Variants in CD1B observed in about 807,000 individuals in gnomAD.
The protein encoded by CD1B is T-cell surface glycoprotein CD1b.
In CD1B, 43 loss-of-function variants were observed where a neutral mutation model predicts 39.8. The observed-to-expected ratio is 1.08, with a 90% CI of 0.85 to 1.39. CD1B has a LOEUF of 1.39. Ranked by LOEUF, CD1B falls within the 40% of genes most tolerant of loss-of-function variation. CD1B has a pLI of 0.00. For synonymous variants in CD1B, 192 were observed against 152.5 expected (o/e 1.26, Z -1.91); for missense variants, 495 against 403.8 (o/e 1.23, Z -1.94).
chr1:158,313,295 G>A, the CD1B span, among the ~76,000 whole-genome samples: 7 of 151,868 alleles, frequency 4.6e-5, no homozygotes, highest in Non-Finnish European at 7.4e-5. Flanking sequence ...AGGGATATTG[G>A]CCTGTAGTTT....
chr1:158,329,019 C>A lies in CD1B; in HGVS notation c.887-5G>T. 1 of 1,608,828 alleles carries A rather than the reference C, an allele frequency of 6.2e-7. No homozygotes were observed. Among genetic ancestry groups the A allele is most frequent in the South Asian group, 1.1e-5 (1 of 90,504 alleles). On this transcript the variant is annotated splice_polypyrimidine_tract_variant and splice_region_variant and intron_variant, in intron 4 of 5. Transcript: ENST00000368168. The stretch of plus-strand genomic sequence containing the variant: ...AGCCAATGGAGGTGGGGTTTCCTGG[C>A]AATTGAGAGAGGACAAAAGGATGTC...
chr1:158,304,607 C>A, the CD1B span, among the ~76,000 whole-genome samples: 3 of 152,286 alleles, frequency 2.0e-5, no homozygotes, highest in South Asian at 6.2e-4. Context: ...TCCCAGCATG[C>A]AGCTGGAGAT....
At chr1:158,313,854 G>C in the CD1B span, among the ~76,000 whole-genome samples, 4 of 152,044 alleles carry the variant, frequency 2.6e-5, no homozygotes, top group Middle Eastern at 6.8e-3. Context: ...CTCATTATTG[G>C]CCTGTTTGAA....
At chr1:158,324,063 G>A (rs1045525259), downstream of CD1B, among the ~76,000 whole-genome samples, 1 of 152,216 alleles carries the variant, frequency 6.6e-6, no homozygotes, top group Non-Finnish European at 1.5e-5. Flanking sequence ...CCAAATTACA[G>A]GGTAAGTTTC....
the CD1B span, chr1:158,289,775 C>T: frequency 1.3e-5 from 4 of 302,154 alleles, no homozygotes; most frequent in Non-Finnish European, 2.5e-5. Context: ...TGCCATACAC[C>T]ACTTTGTCTA....
At chr1:158,327,907 G>A (rs892594054), downstream of CD1B, 20 of 209,230 alleles carry the variant, frequency 9.6e-5, no homozygotes, top group East Asian at 1.6e-3. Flanking sequence ...ACCAGAAGCA[G>A]AAAAAGAAAA....
At chr1:158,304,123 G>C in the CD1B span, among the ~76,000 whole-genome samples, 1 of 152,088 alleles carries the variant, frequency 6.6e-6, no homozygotes, top group African/African-American at 2.4e-5. Flanking sequence ...CACCCAGCGA[G>C]AGCCAAAGCA....
At chr1:158,303,094 G>A in the CD1B span, among the ~76,000 whole-genome samples, 1 of 152,058 alleles carries the variant, frequency 6.6e-6, no homozygotes, top group African/African-American at 2.4e-5. Flanking sequence ...ATTATCAAAT[G>A]GGCTTCATCC....
the CD1B span, among the ~76,000 whole-genome samples, chr1:158,298,376 C>T: frequency 1.3e-5 from 2 of 152,136 alleles, no homozygotes; most frequent in Non-Finnish European, 1.5e-5. Flanking sequence ...AACTTAAACT[C>T]GACACTTGAC....
chr1:158,292,263 T>C, the CD1B span: 2 of 1,614,066 alleles, frequency 1.2e-6, no homozygotes, highest in East Asian at 2.2e-5. Context: ...CAATCATCAG[T>C]ATGAAGGCGT....
chr1:158,311,460 A>T, the CD1B span, among the ~76,000 whole-genome samples: 2 of 151,908 alleles, frequency 1.3e-5, no homozygotes, highest in Non-Finnish European at 2.9e-5. Context: ...GATATTTTCT[A>T]CCATTCTGTA....
the CD1B span, chr1:158,289,972 A>G: frequency 1.8e-6 from 2 of 1,130,432 alleles, no homozygotes; most frequent in African/African-American, 3.1e-5. Flanking sequence ...TGTTGGTAGA[A>G]GGAAGTCAGA....
the CD1B span, among the ~76,000 whole-genome samples, chr1:158,316,056 T>C: frequency 6.6e-6 from 1 of 152,062 alleles, no homozygotes; most frequent in Non-Finnish European, 1.5e-5. Context: ...TTTTGGTTAC[T>C]GTAGCCTTGT....
chr1:158,293,268 C>G, the CD1B span: 1 of 1,614,050 alleles, frequency 6.2e-7, no homozygotes, highest in Non-Finnish European at 8.5e-7. Flanking sequence ...CTTGGTGATT[C>G]TAATAGTCCT....
the CD1B span, among the ~76,000 whole-genome samples, chr1:158,318,802 C>T: frequency 0.12 from 17,835 of 152,066 alleles, 1,355 homozygotes; most frequent in East Asian, 0.39. Context: ...CAGCTTGTAC[C>T]GGTTGTTCCT....
At chr1:158,309,427 T>C in the CD1B span, among the ~76,000 whole-genome samples, 1 of 152,170 alleles carries the variant, frequency 6.6e-6, no homozygotes, top group Non-Finnish European at 1.5e-5. Flanking sequence ...GTGTGGCGAT[T>C]CCTCAGGGAT....
At chr1:158,324,237 C>A (rs1185235045), downstream of CD1B, among the ~76,000 whole-genome samples, 1 of 152,136 alleles carries the variant, frequency 6.6e-6, no homozygotes, top group African/African-American at 2.4e-5. Flanking sequence ...AAGTTTGAAA[C>A]CTGCAGTATC....
At chr1:158,299,287 C>A in the CD1B span, among the ~76,000 whole-genome samples, 1 of 151,900 alleles carries the variant, frequency 6.6e-6, no homozygotes, top group Non-Finnish European at 1.5e-5. Context: ...TGGTTTTTTT[C>A]TTTAGTTCTG....
chr1:158,304,735 CAA>C, the CD1B span, among the ~76,000 whole-genome samples: 1 of 152,178 alleles, frequency 6.6e-6, no homozygotes, highest in South Asian at 2.1e-4. Context: ...TCCTCTGAGA[CAA>C]AACTTCCAGA....
Sources: allele counts gnomAD v4.1 joint callset (sites outside exome capture counted in the v4.1 genomes callset), GRCh38; gene constraint gnomAD v4.1.1; transcripts MANE v1.5; gene names NCBI Gene and HGNC (gene_info 2026-07-23, HGNC 2026-07-21).